The following LRP1B variants were observed in gnomAD, a reference collection of about 807,000 sequenced individuals.
LRP1B encodes LDL receptor related protein 1B.
A neutral mutation model predicts 556.6 loss-of-function variants in LRP1B; 217 were observed. The observed-to-expected ratio is 0.39, with a 90% confidence interval of 0.35 to 0.44. The LOEUF (loss-of-function observed/expected upper bound fraction) is 0.44. Ranked by LOEUF, LRP1B falls within the 20% of genes least tolerant of loss-of-function variation. LRP1B has a pLI of 1.00. For missense variants in LRP1B, 5,053 were observed against 5,620.8 expected, an observed-to-expected ratio of 0.90 and a Z score of 3.23; for synonymous variants, 2,047 against 1,865.8, an observed-to-expected ratio of 1.10 and a Z score of -2.50.
At chr2:142,000,170 G>A (rs923711649) in intron 1 of LRP1B, among the ~76,000 whole-genome samples, 8 of 151,992 alleles carry the variant, frequency 5.3e-5, no homozygotes, top group African/African-American at 9.7e-5. Context: ...GTATAATAAC[G>A]TGGCTCCAAG....
chr2:140,594,097 C>T (rs934263243), intron 43 of LRP1B, among the ~76,000 whole-genome samples: 5 of 151,980 alleles, frequency 3.3e-5, no homozygotes, highest in Admixed American at 6.6e-5. Flanking sequence ...CCTGCCTCAG[C>T]CTCCCGAGTA....
intron 11 of LRP1B, among the ~76,000 whole-genome samples, chr2:141,023,329 A>T (rs574880050): frequency 7.9e-5 from 12 of 151,986 alleles, no homozygotes; most frequent in African/African-American, 2.9e-4. Flanking sequence ...TACTTAAGTG[A>T]AAAATTCCTG....
intron 66 of LRP1B, among the ~76,000 whole-genome samples, chr2:140,427,799 C>CCTCCTCGCCAGGCTG (rs1401694483): frequency 2.6e-5 from 4 of 151,870 alleles, no homozygotes; most frequent in Non-Finnish European, 5.9e-5. Flanking sequence ...TGTCCTCTCC[C>CCTCCTCGCCAGGCTG]CTCCTCGCCA....
chr2:141,307,435 GT>G (rs1686632257), intron 3 of LRP1B, among the ~76,000 whole-genome samples: 1 of 151,510 alleles, frequency 6.6e-6, no homozygotes, highest in Non-Finnish European at 1.5e-5. Context: ...TTCCTGCTTG[GT>G]TTTGGTTTCT....
At chr2:141,813,729 C>T (rs1454117423) in intron 1 of LRP1B, among the ~76,000 whole-genome samples, 2 of 152,112 alleles carry the variant, frequency 1.3e-5, no homozygotes, top group Non-Finnish European at 2.9e-5. Flanking sequence ...GCCAGCAGCT[C>T]AGTGGGTGGG....
intron 41 of LRP1B, among the ~76,000 whole-genome samples, chr2:140,629,825 T>A (rs1185702413): frequency 6.6e-6 from 1 of 152,162 alleles, no homozygotes; most frequent in Non-Finnish European, 1.5e-5. Flanking sequence ...GGATTTTGAT[T>A]TTGCAATTTA....
intron 1 of LRP1B, among the ~76,000 whole-genome samples, chr2:141,887,037 C>A (rs571799488): frequency 6.6e-6 from 1 of 151,430 alleles, no homozygotes; most frequent in East Asian, 1.9e-4. Context: ...GCTCTGTCAC[C>A]CAACCTGGAG....
chr2:140,802,689 T>C (rs970279574), intron 32 of LRP1B, among the ~76,000 whole-genome samples: 2 of 152,182 alleles, frequency 1.3e-5, no homozygotes, highest in African/African-American at 2.4e-5. Context: ...CATTTGTAAA[T>C]TGAATTGATT....
intron 66 of LRP1B, among the ~76,000 whole-genome samples, chr2:140,399,426 C>T (rs1336409426): frequency 6.6e-6 from 1 of 151,806 alleles, no homozygotes; most frequent in Admixed American, 6.6e-5. Flanking sequence ...CTTTTGTTTT[C>T]CTATATAGAT....
intron 77 of LRP1B, among the ~76,000 whole-genome samples, chr2:140,345,881 A>G (rs565070866): frequency 2.1e-5 from 3 of 143,226 alleles, no homozygotes; most frequent in Non-Finnish European, 4.6e-5. Flanking sequence ...TATATATAAA[A>G]AAAATAGCAT....
At chr2:140,747,368 T>C (rs1029889917) in intron 35 of LRP1B, among the ~76,000 whole-genome samples, 1 of 152,214 alleles carries the variant, frequency 6.6e-6, no homozygotes, top group African/African-American at 2.4e-5. Context: ...GCATGATTTC[T>C]CCAGCATGCG....
chr2:140,868,265 T>TAAAAAAAAAAAAAA lies in LRP1B; in HGVS notation c.4170-16_4170-3dup, dbSNP rs34488899. ...TCCCAGTCTGTCCAGAAAAGAATTC[T>TAAAAAAAAAAAAAA]AAAAAAAAAAAAAAAAAAAGAAATA... On this transcript the variant is annotated splice_region_variant and splice_polypyrimidine_tract_variant and intron_variant, in intron 25 of 90. Coordinates refer to ENST00000389484, the MANE Select transcript of LRP1B (RefSeq NM_018557.3). 8.4e-7 allele frequency: 1 copy of TAAAAAAAAAAAAAA among 1,189,678 alleles called. No individual in the cohort carries two copies. The highest frequency in any genetic ancestry group is 1.1e-6 in the Non-Finnish European group (1 of 906,020). 73.7% of individuals were successfully genotyped at this position (1,189,678 alleles called of 1,614,324 possible).
intron 7 of LRP1B, among the ~76,000 whole-genome samples, chr2:141,176,730 A>C (rs1680754827): frequency 6.6e-6 from 1 of 151,874 alleles, no homozygotes; most frequent in South Asian, 2.1e-4. Flanking sequence ...GAAAAAAAAA[A>C]TGAATCTAAT....
intron 1 of LRP1B, among the ~76,000 whole-genome samples, chr2:141,961,902 C>A (rs1701413211): frequency 6.6e-6 from 1 of 151,706 alleles, no homozygotes; most frequent in African/African-American, 2.4e-5. Flanking sequence ...TCTGTCTAGA[C>A]TGAGCTTTAC....
chr2:140,970,828 C>T lies in LRP1B; in HGVS notation c.2887+11332G>A, dbSNP rs532610617. On this transcript the variant is annotated intron_variant, in intron 18 of 90. Transcript: ENST00000389484. ...CACTCCTGGCTCACTGCAGCCTGGA[C>T]GTCCTGGGTTCAGGTGATCCTCCCA... 9.2e-5 allele frequency among the ~76,000 whole-genome samples: 13 copies of T among 141,676 alleles called. No individual in the cohort carries two copies. The South Asian group carries it at 1.2e-3, about 13-fold the overall frequency. 92.9% of individuals were successfully genotyped at this position (141,676 alleles called of 152,430 possible). A position where few individuals can be genotyped will look rare whatever the true frequency, so the allele number is the denominator to read the frequency against.
At chr2:141,332,718 ATTTT>A (rs34784852) in intron 3 of LRP1B, among the ~76,000 whole-genome samples, 25 of 146,266 alleles carry the variant, frequency 1.7e-4, no homozygotes, top group Admixed American at 3.4e-4. Context: ...GTTTTGCCTT[ATTTT>A]TTTATATATA....
chr2:141,871,135 A>C (rs1295270544), intron 1 of LRP1B, among the ~76,000 whole-genome samples: 1 of 151,738 alleles, frequency 6.6e-6, no homozygotes, highest in Non-Finnish European at 1.5e-5. Flanking sequence ...TCCTTCTACC[A>C]CCTTAAAGTT....
intron 2 of LRP1B, among the ~76,000 whole-genome samples, chr2:141,697,692 C>T (rs1429042717): frequency 1.3e-5 from 2 of 151,880 alleles, no homozygotes; most frequent in East Asian, 3.9e-4. Context: ...GCCACCTGAA[C>T]ATCAAACATG....
intron 3 of LRP1B, among the ~76,000 whole-genome samples, chr2:141,261,068 C>T (rs534065369): frequency 6.6e-6 from 1 of 152,246 alleles, no homozygotes; most frequent in Non-Finnish European, 1.5e-5. Flanking sequence ...CCATGCCAGA[C>T]AGCTCCTCTT....
Sources: allele counts gnomAD v4.1 joint callset (sites outside exome capture counted in the v4.1 genomes callset), GRCh38; gene constraint gnomAD v4.1.1; transcripts MANE v1.5; gene names NCBI Gene and HGNC (gene_info 2026-07-23, HGNC 2026-07-21).